The following SLC38A1 variants were observed in gnomAD, a reference collection of about 807,000 sequenced individuals.
SLC38A1 encodes sodium-coupled neutral amino acid symporter 1.
In SLC38A1, 18 loss-of-function variants were observed where a neutral mutation model predicts 60.3. That is an observed-to-expected ratio of 0.30 (90% CI 0.21 to 0.44). SLC38A1 has a LOEUF of 0.44. Ranked by LOEUF, SLC38A1 falls within the 20% of genes least tolerant of loss-of-function variation. The probability of loss-of-function intolerance (pLI) is 1.00; values close to 1 mark genes in which losing one functional copy is unlikely to be tolerated. For synonymous variants in SLC38A1, 196 were observed against 212.1 expected (o/e 0.92, Z 0.66); for missense variants, 448 against 587.2 (o/e 0.76, Z 2.45).
At chr12:46,251,841 G>C (rs1431111235) in intron 1 of SLC38A1, among the ~76,000 whole-genome samples, 2 of 152,096 alleles carry the variant, frequency 1.3e-5, no homozygotes, top group African/African-American at 4.8e-5. Context: ...GGAAACAACA[G>C]AGGCTGGAGA....
intron 7 of SLC38A1, 78 bp from the exon 8 acceptor site, chr12:46,207,314 G>A (rs544424868): frequency 1.5e-5 from 19 of 1,291,418 alleles, no homozygotes; most frequent in African/African-American, 6.0e-5. Context: ...TTATCAGCCC[G>A]TTCTTAGACC....
chr12:46,256,636 C>CACACAGAGAGAG (rs142176282), intron 1 of SLC38A1, among the ~76,000 whole-genome samples: 7 of 123,204 alleles, frequency 5.7e-5, no homozygotes, highest in East Asian at 2.6e-4. Context: ...CACACACACA[C>CACACAGAGAGAG]AGAGAGAGAG....
At position 46,267,001 on chromosome 12, in the gene SLC38A1, G is replaced by C. The variant is rs189456247; in HGVS notation, c.-209+1525C>G. Among the ~76,000 whole-genome samples, 134 of 152,286 alleles carry C rather than the reference G, an allele frequency of 8.8e-4. 3 individuals are homozygous for C. In the East Asian group the frequency reaches 0.025, roughly 28 times the overall value. On this transcript the variant is annotated intron_variant, in intron 1 of 16. Coordinates refer to ENST00000398637, the MANE Select transcript of SLC38A1 (RefSeq NM_030674.4). The stretch of plus-strand genomic sequence containing the variant: ...AAATTGGCATGAGACATTTGACAAC[G>C]AGGCCAGCCATGCACCGAGCTCAGG...
chr12:46,249,630 T>A (rs1308699443), intron 1 of SLC38A1, among the ~76,000 whole-genome samples: 11 of 151,752 alleles, frequency 7.2e-5, no homozygotes, highest in African/African-American at 2.2e-4. Flanking sequence ...ATCAAATAGA[T>A]GCAATAAAAA....
intron 3 of SLC38A1, among the ~76,000 whole-genome samples, chr12:46,232,498 G>C (rs1413716243): frequency 6.6e-6 from 1 of 152,232 alleles, no homozygotes; most frequent in Admixed American, 6.5e-5. Flanking sequence ...CTTTTCTTTT[G>C]TCTTTAATGT....
At position 46,219,363 on chromosome 12, in the gene SLC38A1, T is replaced by C. The variant is rs539161958; in HGVS notation, c.314+9790A>G. Among the ~76,000 whole-genome samples, 109 of 152,380 alleles carry C rather than the reference T, an allele frequency of 7.2e-4. 1 individual carries two copies. Among genetic ancestry groups the C allele is most frequent in the African/African-American group, 2.5e-3 (105 of 41,588 alleles). The stretch of plus-strand genomic sequence containing the variant: ...ATGGGGGTAATTAACAGGGTTGTTA[T>C]AAAGATCTCATGGAACAATGTACAC... On this transcript the variant is annotated intron_variant, in intron 5 of 16. Coordinates refer to ENST00000398637, the MANE Select transcript of SLC38A1 (RefSeq NM_030674.4).
chr12:46,264,497 A>G (rs974649104), intron 1 of SLC38A1, among the ~76,000 whole-genome samples: 1 of 152,228 alleles, frequency 6.6e-6, no homozygotes, highest in African/African-American at 2.4e-5. Flanking sequence ...TAGAAAACAA[A>G]TATGTGATCA....
At chr12:46,262,041 G>A (rs961250886) in intron 1 of SLC38A1, among the ~76,000 whole-genome samples, 1 of 152,234 alleles carries the variant, frequency 6.6e-6, no homozygotes, top group African/African-American at 2.4e-5. Flanking sequence ...GAAGCCCTGT[G>A]TTACAGAAGC....
intron 16 of SLC38A1, among the ~76,000 whole-genome samples, chr12:46,191,463 T>C (rs2136854593): frequency 6.6e-6 from 1 of 152,336 alleles, no homozygotes; most frequent in East Asian, 1.9e-4. Flanking sequence ...TTTCCAATTA[T>C]GTGAAGAAAG....
intron 9 of SLC38A1, among the ~76,000 whole-genome samples, chr12:46,204,855 C>T (rs1939822858): frequency 6.6e-6 from 1 of 152,106 alleles, no homozygotes; most frequent in African/African-American, 2.4e-5. Context: ...TCCAACTCTC[C>T]CTGGCACACT....
intron 1 of SLC38A1, among the ~76,000 whole-genome samples, chr12:46,261,894 G>C (rs530435131): frequency 6.6e-6 from 1 of 152,204 alleles, no homozygotes; most frequent in East Asian, 1.9e-4. Flanking sequence ...GACATTTTGG[G>C]TTGCAGTAAG....
At chr12:46,219,453 C>A (rs1470005485) in intron 5 of SLC38A1, among the ~76,000 whole-genome samples, 1 of 152,170 alleles carries the variant, frequency 6.6e-6, no homozygotes, top group Admixed American at 6.5e-5. Context: ...ACCTAGCCAG[C>A]CACACAAAAG....
At chr12:46,233,144 A>T (rs1254158984) in intron 3 of SLC38A1, among the ~76,000 whole-genome samples, 1 of 151,998 alleles carries the variant, frequency 6.6e-6, no homozygotes. Context: ...TCAGCCTCCC[A>T]AGTAGCTGGG....
intron 1 of SLC38A1, among the ~76,000 whole-genome samples, chr12:46,248,582 G>A (rs1941709801): frequency 6.6e-6 from 1 of 152,016 alleles, no homozygotes; most frequent in South Asian, 2.1e-4. Context: ...AATAATAATG[G>A]GAGGCTTTAA....
intron 5 of SLC38A1, among the ~76,000 whole-genome samples, chr12:46,225,527 A>T (rs1940829144): frequency 6.6e-6 from 1 of 152,114 alleles, no homozygotes; most frequent in Non-Finnish European, 1.5e-5. Context: ...TCCCAGAAAG[A>T]TGGCGGTGAG....
intron 1 of SLC38A1, among the ~76,000 whole-genome samples, chr12:46,250,346 C>A (rs548130690): frequency 6.6e-6 from 1 of 152,090 alleles, no homozygotes; most frequent in Non-Finnish European, 1.5e-5. Context: ...CTCAAAATAA[C>A]AAGAGCTATT....
intron 8 of SLC38A1, 52 bp from the exon 9 acceptor site, chr12:46,206,214 T>C (rs774132634): frequency 2.8e-6 from 3 of 1,066,514 alleles, no homozygotes; most frequent in Middle Eastern, 2.1e-4. Flanking sequence ...GTGACTTTTT[T>C]CCCCTCCAAT....
chr12:46,212,218 C>G (rs963325), intron 5 of SLC38A1, among the ~76,000 whole-genome samples: 19,455 of 152,144 alleles, frequency 0.13, 2,347 homozygotes, highest in East Asian at 0.44. Flanking sequence ...TGATTATGCC[C>G]CTAATTGTCC....
intron 1 of SLC38A1, among the ~76,000 whole-genome samples, chr12:46,258,395 C>T (rs993241689): frequency 2.6e-5 from 4 of 152,138 alleles, no homozygotes; most frequent in Admixed American, 6.5e-5. Flanking sequence ...TATTTGCATA[C>T]ATATTATGAG....
Sources: gnomAD v4.1 joint callset for allele counts (sites outside exome capture counted in the v4.1 genomes callset) on GRCh38, gnomAD v4.1.1 for gene constraint, MANE v1.5 for transcripts, NCBI Gene and HGNC (gene_info 2026-07-23, HGNC 2026-07-21) for gene names.